The following ZBTB7C variants were observed in gnomAD, a reference collection of about 807,000 sequenced individuals.
ZBTB7C encodes the protein zinc finger and BTB domain-containing protein 7C.
In ZBTB7C, 8 loss-of-function variants were observed where a neutral mutation model predicts 25.7. That is an observed-to-expected ratio of 0.31 (90% CI 0.18 to 0.56). The LOEUF (loss-of-function observed/expected upper bound fraction) is 0.56, where lower values mean the gene tolerates loss of function less well. Ranked by LOEUF, ZBTB7C falls within the 20% of genes least tolerant of loss-of-function variation. The pLI is 0.91. For missense variants in ZBTB7C, 824 were observed against 855.2 expected, an observed-to-expected ratio of 0.96 and a Z score of 0.46; for synonymous variants, 394 against 369.0, an observed-to-expected ratio of 1.07 and a Z score of -0.78.
chr18:48,120,725 G>A (rs2039600457), intron 3 of ZBTB7C, among the ~76,000 whole-genome samples: 1 of 152,214 alleles, frequency 6.6e-6, no homozygotes, highest in Non-Finnish European at 1.5e-5. Flanking sequence ...AGGGAAAGTG[G>A]GAAGCAAAGA....
intron 3 of ZBTB7C, among the ~76,000 whole-genome samples, chr18:48,090,016 C>T (rs1459840450): frequency 6.6e-6 from 1 of 152,202 alleles, no homozygotes; most frequent in Non-Finnish European, 1.5e-5. Flanking sequence ...CGTGGCAGGG[C>T]AGTGAGGTGG....
At chr18:48,279,424 T>A (rs1254529812) in intron 2 of ZBTB7C, among the ~76,000 whole-genome samples, 3 of 152,208 alleles carry the variant, frequency 2.0e-5, no homozygotes, top group Non-Finnish European at 4.4e-5. Flanking sequence ...TGGCATCCCC[T>A]CACATTTGGC....
chr18:48,212,644 A>C (rs1019632438), intron 2 of ZBTB7C, among the ~76,000 whole-genome samples: 2 of 152,082 alleles, frequency 1.3e-5, no homozygotes, highest in Non-Finnish European at 2.9e-5. Flanking sequence ...GTGAACCTAA[A>C]ACTGCTGTGA....
chr18:48,276,046 A>C (rs1043016069), intron 2 of ZBTB7C, among the ~76,000 whole-genome samples: 2 of 152,196 alleles, frequency 1.3e-5, no homozygotes, highest in Non-Finnish European at 2.9e-5. Flanking sequence ...CTGGAGGAAG[A>C]CAGGGCAGAT....
chr18:48,356,370 C>T (rs1326372954), intron 1 of ZBTB7C, among the ~76,000 whole-genome samples: 1 of 152,198 alleles, frequency 6.6e-6, no homozygotes, highest in African/African-American at 2.4e-5. Context: ...TCCTGTTCAA[C>T]AAGCCTTCCC....
intron 3 of ZBTB7C, among the ~76,000 whole-genome samples, chr18:48,065,348 C>G (rs1236757240): frequency 6.6e-6 from 1 of 152,226 alleles, no homozygotes; most frequent in Admixed American, 6.5e-5. Context: ...CACACACACA[C>G]ACACACAAAC....
chr18:48,232,338 A>C (rs142759000), intron 2 of ZBTB7C, among the ~76,000 whole-genome samples: 10 of 152,332 alleles, frequency 6.6e-5, no homozygotes, highest in Non-Finnish European at 1.3e-4. Flanking sequence ...AGCCCAGCTA[A>C]TACCTTGATT....
chr18:48,301,224 A>AT (rs1259032278), intron 2 of ZBTB7C, among the ~76,000 whole-genome samples: 1 of 152,198 alleles, frequency 6.6e-6, no homozygotes, highest in African/African-American at 2.4e-5. Flanking sequence ...ATGGTCTGTA[A>AT]TCCCAGCGCT....
At chr18:48,306,081 C>A (rs2045667129) in intron 2 of ZBTB7C, among the ~76,000 whole-genome samples, 1 of 152,218 alleles carries the variant, frequency 6.6e-6, no homozygotes. Flanking sequence ...TAGTTCCAAA[C>A]AGAAATTCAA....
intron 2 of ZBTB7C, among the ~76,000 whole-genome samples, chr18:48,332,597 C>T (rs1335193598): frequency 1.3e-5 from 2 of 151,464 alleles, no homozygotes; most frequent in African/African-American, 2.4e-5. Context: ...AGATGCTCTC[C>T]TACCATTCAG....
At chr18:48,306,183 C>T (rs925128979) in intron 2 of ZBTB7C, among the ~76,000 whole-genome samples, 1 of 152,190 alleles carries the variant, frequency 6.6e-6, no homozygotes, top group Admixed American at 6.5e-5. Context: ...TAGACACCTC[C>T]TTTAATGGGC....
intron 3 of ZBTB7C, among the ~76,000 whole-genome samples, chr18:48,124,436 T>C (rs1267827430): frequency 6.6e-6 from 1 of 152,244 alleles, no homozygotes; most frequent in East Asian, 1.9e-4. Flanking sequence ...TTACTAATTA[T>C]CTTTTGCACA....
chr18:48,389,828 GAA>G lies in ZBTB7C; in HGVS notation c.-304+19396_-304+19397del, dbSNP rs141109851. The stretch of plus-strand genomic sequence containing the variant: ...AAGAGCCCGGTACAGTGCCTGGCAC[GAA>G]GAGGCACTTGATACATATTTTTGAA... On this transcript the variant is annotated intron_variant, in intron 1 of 4. Coordinates refer to ENST00000590800, the MANE Select transcript of ZBTB7C (RefSeq NM_001318841.2). 4.6e-3 allele frequency among the ~76,000 whole-genome samples: 696 copies of G among 152,334 alleles called. 4 individuals carry two copies. Among genetic ancestry groups the G allele is most frequent in the African/African-American group, 0.016 (649 of 41,560 alleles).
intron 4 of ZBTB7C, among the ~76,000 whole-genome samples, chr18:48,034,345 C>T (rs1449641063): frequency 2.0e-5 from 3 of 152,064 alleles, no homozygotes; most frequent in South Asian, 2.1e-4. Context: ...ACTGGACTGC[C>T]GGTCCCCCAG....
intron 3 of ZBTB7C, among the ~76,000 whole-genome samples, chr18:48,173,608 TG>T (rs1441824620): frequency 2.0e-5 from 3 of 152,202 alleles, no homozygotes; most frequent in Non-Finnish European, 4.4e-5. Flanking sequence ...GGGAGGCAGG[TG>T]AGGCCCTAGG....
intron 4 of ZBTB7C, among the ~76,000 whole-genome samples, chr18:48,032,591 C>T (rs146639466): frequency 0.023 from 3,486 of 151,890 alleles, 66 homozygotes; most frequent in Non-Finnish European, 0.036. Flanking sequence ...CCCACCACTA[C>T]GCCTGGCTAA....
chr18:48,270,613 C>A (rs960774782), intron 2 of ZBTB7C, among the ~76,000 whole-genome samples: 20 of 150,766 alleles, frequency 1.3e-4, no homozygotes, highest in Non-Finnish European at 2.1e-4. Context: ...TCATTTGAAC[C>A]CAGGAGGCAG....
intron 2 of ZBTB7C, among the ~76,000 whole-genome samples, chr18:48,212,612 G>A (rs1293470629): frequency 1.3e-5 from 2 of 152,052 alleles, no homozygotes; most frequent in Non-Finnish European, 2.9e-5. Context: ...GGAACTCTCC[G>A]TACTTTCTGC....
intron 1 of ZBTB7C, among the ~76,000 whole-genome samples, chr18:48,392,169 A>G (rs892802070): frequency 6.6e-6 from 1 of 152,232 alleles, no homozygotes. Context: ...CCCTTAAATC[A>G]GAGGGCAAGA....
Sources: gnomAD v4.1 joint callset for allele counts (sites outside exome capture counted in the v4.1 genomes callset) on GRCh38, gnomAD v4.1.1 for gene constraint, MANE v1.5 for transcripts, NCBI Gene and HGNC (gene_info 2026-07-23, HGNC 2026-07-21) for gene names.